NRG1: variants seen among roughly 807,000 people sequenced by gnomAD.
NRG1 encodes the protein neuregulin 1.
NRG1 carries 18 observed loss-of-function variants against 63.8 expected under a neutral mutation model. The ratio of observed to expected loss-of-function variants is 0.28; its 90% confidence interval spans 0.19 to 0.42. The LOEUF is 0.42. NRG1 is among the 10% of genes least tolerant of loss of function. The pLI, the probability that NRG1 is intolerant of heterozygous loss-of-function variation, is 1.00. For synonymous variants in NRG1, 302 were observed against 301.3 expected (o/e 1.00, Z -0.02); for missense variants, 762 against 814.7 (o/e 0.94, Z 0.79).
intron 1 of NRG1, among the ~76,000 whole-genome samples, chr8:32,011,011 T>C (rs1342872059): frequency 6.6e-6 from 1 of 152,028 alleles, no homozygotes; most frequent in Non-Finnish European, 1.5e-5. Context: ...AGATTAGTAA[T>C]GGGGAAGCAA....
intron 1 of NRG1, among the ~76,000 whole-genome samples, chr8:32,095,881 A>T (rs1829841691): frequency 6.6e-6 from 1 of 152,226 alleles, no homozygotes; most frequent in East Asian, 1.9e-4. Flanking sequence ...AAGATATAGA[A>T]GCCTGAGGAA....
At chr8:32,277,422 T>C (rs1852226031) in intron 1 of NRG1, among the ~76,000 whole-genome samples, 1 of 152,248 alleles carries the variant, frequency 6.6e-6, no homozygotes, top group Non-Finnish European at 1.5e-5. Context: ...CCTGTCATTG[T>C]AGTGAGATAG....
intron 1 of NRG1, among the ~76,000 whole-genome samples, chr8:32,487,215 C>CA (rs1270020636): frequency 4.0e-5 from 6 of 149,600 alleles, no homozygotes; most frequent in Admixed American, 6.6e-5. Context: ...AAAAAAACCA[C>CA]AAAAAACAAA....
At position 32,208,285 on chromosome 8, in the gene NRG1, AT is replaced by A. The variant is rs201717794; in HGVS notation, c.38-387527del. Among the ~76,000 whole-genome samples the A allele has an allele frequency of 4.9e-3, 695 of 142,192 alleles. 1 individual carries two copies. Among genetic ancestry groups the A allele is most frequent in the Admixed American group, 5.7e-3 (80 of 14,102 alleles). 93.3% of individuals were successfully genotyped at this position (142,192 alleles called of 152,430 possible). A position where few individuals can be genotyped will look rare whatever the true frequency, so the allele number is the denominator to read the frequency against. The stretch of plus-strand genomic sequence containing the variant: ...GCTGGTGGGACTATGAAGTGTTTTA[AT>A]TTTTTTTTTTTTTTTAGACGGAGGT... On this transcript the variant is annotated intron_variant, in intron 1 of 10. Coordinates refer to the NRG1 transcript ENST00000519301.
chr8:32,671,128 CTT>C lies in NRG1; in HGVS notation c.502+54256_502+54257del, dbSNP rs59521980. 1.9e-4 allele frequency among the ~76,000 whole-genome samples: 26 copies of C among 134,270 alleles called. 1 individual carries two copies. Among genetic ancestry groups the C allele is most frequent in the Middle Eastern group, 3.9e-3 (1 of 256 alleles). The allele number at this position is 134,270 out of a possible 152,430, so 88.1% of individuals were successfully genotyped here. On this transcript the variant is annotated intron_variant, in intron 5 of 11. Transcript: ENST00000356819. ...ATATTCATTTGGGTTTGTTCTTATG[CTT>C]TTTTTTTTTTTTAGCAAATTAAAAA...
At chr8:31,721,036 T>C (rs935124260) in intron 1 of NRG1, among the ~76,000 whole-genome samples, 8 of 152,120 alleles carry the variant, frequency 5.3e-5, no homozygotes, top group Admixed American at 4.6e-4. Flanking sequence ...TGACTAGAAA[T>C]TGCAACCAGA....
chr8:32,521,129 G>T (rs1392848752), intron 1 of NRG1, among the ~76,000 whole-genome samples: 1 of 152,116 alleles, frequency 6.6e-6, no homozygotes, highest in Non-Finnish European at 1.5e-5. Flanking sequence ...GTAAAAAATA[G>T]TATATATAGG....
chr8:32,077,565 T>A (rs1166119188), intron 1 of NRG1, among the ~76,000 whole-genome samples: 1 of 152,208 alleles, frequency 6.6e-6, no homozygotes, highest in African/African-American at 2.4e-5. Flanking sequence ...TTAGCATTTT[T>A]AAATTTTTAC....
chr8:32,704,738 T>C (rs1443969671), intron 5 of NRG1, among the ~76,000 whole-genome samples: 1 of 152,218 alleles, frequency 6.6e-6, no homozygotes, highest in Non-Finnish European at 1.5e-5. Flanking sequence ...TATTCCTTCT[T>C]GGAAAAATAT....
intron 1 of NRG1, among the ~76,000 whole-genome samples, chr8:32,416,046 A>T (rs1047725726): frequency 1.3e-5 from 2 of 152,206 alleles, no homozygotes; most frequent in African/African-American, 4.8e-5. Context: ...GTAAAACATC[A>T]TGGTGAGGCC....
chr8:31,833,281 T>C (rs1825347778), intron 1 of NRG1, among the ~76,000 whole-genome samples: 1 of 152,218 alleles, frequency 6.6e-6, no homozygotes, highest in African/African-American at 2.4e-5. Flanking sequence ...CAGATACAGG[T>C]ATTTGGCTCA....
At chr8:32,610,676 G>T (rs1419206235) in intron 3 of NRG1, among the ~76,000 whole-genome samples, 2 of 152,112 alleles carry the variant, frequency 1.3e-5, no homozygotes, top group African/African-American at 2.4e-5. Context: ...GGTGTTTTCT[G>T]TCTTTTCCAA....
At chr8:32,427,798 T>TGTC (rs1710180295) in intron 1 of NRG1, among the ~76,000 whole-genome samples, 1 of 152,166 alleles carries the variant, frequency 6.6e-6, no homozygotes, top group South Asian at 2.1e-4. Context: ...ATATGCTCAG[T>TGTC]GTCAAGGAAA....
chr8:31,877,161 T>C (rs2129612268), intron 1 of NRG1, among the ~76,000 whole-genome samples: 1 of 152,230 alleles, frequency 6.6e-6, no homozygotes, highest in South Asian at 2.1e-4. Context: ...AATATTTATT[T>C]TGGAATAAGA....
intron 1 of NRG1, among the ~76,000 whole-genome samples, chr8:31,944,383 TGAAAA>T (rs1206373148): frequency 1.3e-5 from 2 of 152,196 alleles, no homozygotes; most frequent in African/African-American, 4.8e-5. Flanking sequence ...ATTTTACAAA[TGAAAA>T]GAACGATATG....
intron 1 of NRG1, among the ~76,000 whole-genome samples, chr8:31,833,452 A>G (rs1825366498): frequency 6.6e-6 from 1 of 152,210 alleles, no homozygotes; most frequent in South Asian, 2.1e-4. Flanking sequence ...TGAAAAGAAC[A>G]TCCCTGCAAA....
chr8:31,875,713 C>T (rs1186443384), intron 1 of NRG1, among the ~76,000 whole-genome samples: 3 of 152,136 alleles, frequency 2.0e-5, no homozygotes, highest in Non-Finnish European at 4.4e-5. Context: ...TGTGAGACCT[C>T]CTGGGTGTTC....
intron 5 of NRG1, among the ~76,000 whole-genome samples, chr8:32,703,356 A>G (rs1290456854): frequency 6.6e-6 from 1 of 151,982 alleles, no homozygotes; most frequent in Non-Finnish European, 1.5e-5. Flanking sequence ...GATTTCCCAA[A>G]TGATTGCAGA....
intron 7 of NRG1, among the ~76,000 whole-genome samples, chr8:32,753,323 C>CAA (rs1829073761): frequency 6.6e-6 from 1 of 152,172 alleles, no homozygotes; most frequent in Non-Finnish European, 1.5e-5. Flanking sequence ...TTGTTAAGAA[C>CAA]CTGACCTACC....
Sources: gnomAD v4.1 joint callset for allele counts (sites outside exome capture counted in the v4.1 genomes callset) on GRCh38, gnomAD v4.1.1 for gene constraint, MANE v1.5 for transcripts, NCBI Gene and HGNC (gene_info 2026-07-23, HGNC 2026-07-21) for gene names.